Variants in ERAP1 observed in about 807,000 individuals in gnomAD.
ERAP1 encodes the protein endoplasmic reticulum aminopeptidase 1.
A neutral mutation model predicts 103.7 loss-of-function variants in ERAP1; 86 were observed. The ratio of observed to expected loss-of-function variants is 0.83; its 90% CI spans 0.70 to 0.99. The LOEUF is 0.99. ERAP1 is among the 50% of genes least tolerant of loss of function. ERAP1 has a pLI of 0.00. For missense variants in ERAP1, 1,009 were observed against 1,128.4 expected (o/e 0.89, Z 1.52); for synonymous variants, 398 against 402.4 (o/e 0.99, Z 0.13).
the ERAP1 span, chr5:96,903,329 A>G: frequency 7.0e-7 from 1 of 1,433,030 alleles, no homozygotes; most frequent in Admixed American, 2.2e-5. Flanking sequence ...AGATGTTCTG[A>G]ATAAGTTTGT....
intron 1 of ERAP1, chr5:96,806,019 G>A (rs747105013): frequency 6.6e-6 from 1 of 152,276 alleles, no homozygotes; most frequent in African/African-American, 2.4e-5. Context: ...ATGTCTCAAC[G>A]AGGATGCAGT....
chr5:96,836,176 G>GTTTTTTTTTTTTTTTTTTTTTTTT, the ERAP1 span, among the ~76,000 whole-genome samples: 38 of 106,644 alleles, frequency 3.6e-4, no homozygotes, highest in Non-Finnish European at 4.0e-4. Flanking sequence ...CACCTCTTTG[G>GTTTTTTTTTTTTTTTTTTTTTTTT]TTTTTTTTTT....
chr5:96,860,855 T>C, the ERAP1 span, among the ~76,000 whole-genome samples: 1 of 152,196 alleles, frequency 6.6e-6, no homozygotes, highest in Admixed American at 6.5e-5. Flanking sequence ...TATAGCCAAA[T>C]TGCAGACAAG....
intron 11 of ERAP1, among the ~76,000 whole-genome samples, chr5:96,787,610 G>A (rs1051795713): frequency 6.6e-6 from 1 of 152,002 alleles, no homozygotes; most frequent in East Asian, 1.9e-4. Context: ...ACATTTAGGT[G>A]TGAAGGGGAA....
At chr5:96,765,198 A>C (rs1161580925) in intron 19 of ERAP1, 9 of 1,377,984 alleles carry the variant, frequency 6.5e-6, no homozygotes, top group African/African-American at 2.9e-5. Flanking sequence ...TGAGTGACTA[A>C]TTCAGCATTA....
chr5:96,859,502 T>C, the ERAP1 span, among the ~76,000 whole-genome samples: 5 of 151,830 alleles, frequency 3.3e-5, no homozygotes, highest in East Asian at 9.6e-4. Context: ...GGTTCCCTGC[T>C]TGTATCTTTC....
chr5:96,906,201 TCCC>T, the ERAP1 span, among the ~76,000 whole-genome samples: 1 of 151,118 alleles, frequency 6.6e-6, no homozygotes, highest in Non-Finnish European at 1.5e-5. Context: ...TTTTTCTTCC[TCCC>T]CCTCCTCCTC....
chr5:96,917,905 CAAA>C, the ERAP1 span: 4 of 50,264 alleles, frequency 8.0e-5, no homozygotes, highest in African/African-American at 1.5e-4. Flanking sequence ...GACTCTGTCT[CAAA>C]AAAAAAAAAA....
chr5:96,861,309 C>A, the ERAP1 span, among the ~76,000 whole-genome samples: 1 of 152,126 alleles, frequency 6.6e-6, no homozygotes, highest in Non-Finnish European at 1.5e-5. Flanking sequence ...CACACAGATA[C>A]TTCACTAAGG....
chr5:96,916,254 C>T, the ERAP1 span, among the ~76,000 whole-genome samples: 1 of 150,482 alleles, frequency 6.6e-6, no homozygotes, highest in Non-Finnish European at 1.5e-5. Flanking sequence ...AAACAAAAAA[C>T]AACAGCAAAA....
chr5:96,862,840 A>G, the ERAP1 span, among the ~76,000 whole-genome samples: 1 of 152,068 alleles, frequency 6.6e-6, no homozygotes. Context: ...TCCCTGCACC[A>G]TTCTCTGGGC....
the ERAP1 span, among the ~76,000 whole-genome samples, chr5:96,932,077 A>G: frequency 1.3e-5 from 2 of 152,118 alleles, no homozygotes; most frequent in African/African-American, 4.8e-5. Flanking sequence ...CTTGAACTTT[A>G]TTAGATAATT....
the ERAP1 span, among the ~76,000 whole-genome samples, chr5:96,878,466 T>C: frequency 2.6e-5 from 4 of 152,250 alleles, 1 homozygote; most frequent in Admixed American, 2.6e-4. Context: ...CTTTGTGACT[T>C]ATGAAGACAA....
intron 18 of ERAP1, chr5:96,779,713 G>A (rs1260594923): frequency 6.5e-6 from 1 of 153,732 alleles, no homozygotes; most frequent in Non-Finnish European, 1.5e-5. Context: ...AGAACTCAAT[G>A]GCCCACACAT....
chr5:96,788,637 T>TC lies in ERAP1; in HGVS notation c.1572dup (p.Thr525AspfsTer30). 1 of 1,614,194 alleles carries TC rather than the reference T, an allele frequency of 6.2e-7. No individual in the cohort carries two copies. The highest frequency in any genetic ancestry group is 1.6e-4 in the Middle Eastern group (1 of 6,062). On this transcript the variant is annotated frameshift_variant, in exon 11 of 19. Transcript: ENST00000443439. LOFTEE classifies it high-confidence loss of function. Reference sequence around the variant, plus strand: ...ATTAGGGGAAAACCCTTCTGCAGTGTCCAAGTGTTCATCATGGTTTTCACA... The same window carrying TC: ...ATTAGGGGAAAACCCTTCTGCAGTGTCCCAAGTGTTCATCATGGTTTTCACA...
chr5:96,849,891 G>T, the ERAP1 span, among the ~76,000 whole-genome samples: 1 of 152,012 alleles, frequency 6.6e-6, no homozygotes, highest in African/African-American at 2.4e-5. Context: ...AAACAGCATG[G>T]TACTGGCATA....
At chr5:96,916,485 G>A in the ERAP1 span, among the ~76,000 whole-genome samples, 8 of 126,166 alleles carry the variant, frequency 6.3e-5, no homozygotes, top group African/African-American at 1.5e-4. Context: ...TTTTTGAGGC[G>A]GAGTCTTGCT....
the ERAP1 span, among the ~76,000 whole-genome samples, chr5:96,855,304 G>A: frequency 6.6e-6 from 1 of 152,182 alleles, no homozygotes; most frequent in African/African-American, 2.4e-5. Context: ...TTCGATTAAT[G>A]ATAAGGAATG....
the ERAP1 span, chr5:96,901,391 G>C: frequency 8.7e-7 from 1 of 1,148,394 alleles, no homozygotes; most frequent in Non-Finnish European, 1.3e-6. Context: ...ATACCAGTCC[G>C]AGTCTTCTGT....
Sources: gnomAD v4.1 joint callset for allele counts (sites outside exome capture counted in the v4.1 genomes callset) on GRCh38, gnomAD v4.1.1 for gene constraint, MANE v1.5 for transcripts, NCBI Gene and HGNC (gene_info 2026-07-23, HGNC 2026-07-21) for gene names.